Variants in MAMSTR observed in about 807,000 individuals in gnomAD.
MAMSTR encodes MEF2 activating motif and SAP domain containing transcriptional regulator.
Under a neutral mutation model 42.7 loss-of-function variants are expected in MAMSTR, and 41 were observed. That is an observed-to-expected ratio of 0.96 (90% CI 0.75 to 1.25). The LOEUF (loss-of-function observed/expected upper bound fraction) is 1.25, where lower values mean the gene tolerates loss of function less well. Among genes scored for constraint, MAMSTR ranks in the 50% most tolerant of loss-of-function variants. The pLI is 0.00. For missense variants in MAMSTR, 567 were observed against 557.6 expected (o/e 1.02, Z -0.17); for synonymous variants, 265 against 244.1 (o/e 1.09, Z -0.80).
At position 48,713,517 on chromosome 19, in the gene MAMSTR, C is replaced by T. The variant is rs1288130690; in HGVS notation, c.998G>A (p.Gly333Asp). ...PLPPIPLDFP[G>D]SFDVLSPSPD... is the part of the protein sequence containing the mutation. ...GGAGGGGGACAGCACGTCGAAGGAG[C>T]CAGGGAAGTCCAGGGGAATAGGGGG... The change falls in exon 10 of 10, where the codon GGC becomes GAC. Residue 333 changes from glycine (G) to aspartate (D), a missense_variant. Transcript: ENST00000318083. 1 of 1,612,252 alleles carries T rather than the reference C, an allele frequency of 6.2e-7. No individual in the cohort carries two copies. Among genetic ancestry groups the T allele is most frequent in the South Asian group, 1.1e-5 (1 of 90,992 alleles).
chr19:48,718,951 G>T, intron 2 of MAMSTR, 23 bp downstream of exon 2: 1 of 1,327,998 alleles, frequency 7.5e-7, no homozygotes. Context: ...CATCCCCCAC[G>T]CATAAAGAGA....
chr19:48,709,659 C>G (rs1256803675), downstream of MAMSTR, among the ~76,000 whole-genome samples: 8 of 152,132 alleles, frequency 5.3e-5, no homozygotes, highest in Non-Finnish European at 1.2e-4. Flanking sequence ...TAGCCAAATG[C>G]TAGAGATAGT....
intron 2 of MAMSTR, among the ~76,000 whole-genome samples, chr19:48,718,516 T>C (rs563439940): frequency 7.7e-4 from 117 of 151,572 alleles, no homozygotes; most frequent in African/African-American, 2.7e-3. Context: ...ACCTCCCAAG[T>C]AGCTGGGATT....
intron 5 of MAMSTR, 67 bp from the exon 6 acceptor site, chr19:48,714,975 C>A: frequency 9.5e-7 from 1 of 1,055,580 alleles, no homozygotes. Flanking sequence ...TTCTGGGGTC[C>A]TCAAAGACGG....
chr19:48,711,739 GT>G (rs34890088), downstream of MAMSTR, among the ~76,000 whole-genome samples: 48 of 76,248 alleles, frequency 6.3e-4, no homozygotes, highest in South Asian at 3.7e-3. Context: ...TACCTGGCTA[GT>G]TTTTTTTTTT....
At chr19:48,715,196 T>G in intron 5 of MAMSTR, 66 bp downstream of exon 5, 8 of 1,417,414 alleles carry the variant, frequency 5.6e-6, no homozygotes, top group Non-Finnish European at 7.8e-6. Context: ...GGACTCGAGG[T>G]TTGAGGGAGG....
intron 2 of MAMSTR, 61 bp from the exon 3 acceptor site, chr19:48,716,804 C>T: frequency 7.9e-7 from 1 of 1,266,436 alleles, no homozygotes; most frequent in Non-Finnish European, 1.0e-6. Flanking sequence ...AGGAGCCTGG[C>T]CTGGCAGGCT....
chr19:48,709,972 C>A (rs2032699697), downstream of MAMSTR, among the ~76,000 whole-genome samples: 2 of 151,922 alleles, frequency 1.3e-5, no homozygotes, highest in South Asian at 4.2e-4. Flanking sequence ...TGGGTTCAGG[C>A]CATTCTCCTG....
At chr19:48,711,741 T>TG (rs2032729568), downstream of MAMSTR, among the ~76,000 whole-genome samples, 13 of 136,230 alleles carry the variant, frequency 9.5e-5, 1 homozygote, top group Admixed American at 9.6e-4. Context: ...CCTGGCTAGT[T>TG]TTTTTTTTTT....
chr19:48,707,843 G>GA (rs1188876345), downstream of MAMSTR, among the ~76,000 whole-genome samples: 1 of 57,704 alleles, frequency 1.7e-5, no homozygotes, highest in East Asian at 2.7e-4. Context: ...AGAAAGGAAA[G>GA]AAAGAAAGAA....
At position 48,714,794 on chromosome 19, in the gene MAMSTR, C is replaced by T. The variant is rs537787571; in HGVS notation, c.528+12G>A. 1.9e-6 allele frequency: 3 copies of T among 1,587,276 alleles called. No homozygotes were observed. The highest frequency in any genetic ancestry group is 2.6e-6 in the Non-Finnish European group (3 of 1,155,080). ...GAGAGAGAAGGCCTGGAAAGTTACA[C>T]CCCAAACTCACCGTCAGCTCCTCCA... On this transcript the variant is annotated intron_variant, in intron 6 of 9. Transcript: ENST00000318083.
In MAMSTR at chr19:48,713,937, G is replaced by T; in HGVS notation, c.832C>A (p.Leu278Met). 3.1e-6 allele frequency: 5 copies of T among 1,613,536 alleles called. No homozygotes were observed. The highest frequency in any genetic ancestry group is 4.2e-6 in the Non-Finnish European group (5 of 1,179,764). Residue 278 changes from leucine to methionine, a missense_variant, in exon 8 of 10, where the codon CTG becomes ATG. Leu to Met is a conservative substitution (Grantham distance 15, BLOSUM62 2). Coordinates refer to ENST00000318083, the MANE Select transcript of MAMSTR (RefSeq NM_001130915.2). ...GAGCCCGGCCCTGAGGAAGGGGTCA[G>T]GGCTGGAGCTGCAGCAGGAGCCGGA... ...PTPAPAAAPA[L>M]TPSSGPGSAA...
rs1483889365 is a variant in MAMSTR at position 48,714,428 on chromosome 19, C to T, written c.661G>A (p.Ala221Thr). The change falls in exon 7 of 10, where the codon GCG (alanine) becomes ACG (threonine). Residue 221 changes from alanine to threonine, a missense_variant. By Grantham distance (58) the Ala-to-Thr change is moderately conservative. Coordinates refer to ENST00000318083, the MANE Select transcript of MAMSTR (RefSeq NM_001130915.2). Reference sequence around the variant, plus strand: ...TTGAGGCGCGGCCAGGGAGCACCCGCGGGACTGTCCTCGCGCCGCGGCTTC... The same window carrying T: ...TTGAGGCGCGGCCAGGGAGCACCCGTGGGACTGTCCTCGCGCCGCGGCTTC... Reference protein sequence around the residue: ...RPKPRREDSPAGAPWPRLKPK... With the variant: ...RPKPRREDSPTGAPWPRLKPK... 2 of 1,383,124 alleles carry T rather than the reference C, an allele frequency of 1.4e-6. No individual in the cohort carries two copies. The highest frequency in any genetic ancestry group is 1.9e-6 in the Non-Finnish European group (2 of 1,080,010). The allele number at this position is 1,383,124 out of a possible 1,614,324, so 85.7% of individuals were successfully genotyped here.
chr19:48,711,032 T>C (rs1601242574), downstream of MAMSTR, among the ~76,000 whole-genome samples: 1 of 152,144 alleles, frequency 6.6e-6, no homozygotes, highest in African/African-American at 2.4e-5. Flanking sequence ...CTAGGGGTGG[T>C]ATAGTGGCAA....
rs916715327 is a variant in MAMSTR, at chr19:48,714,520, G to A, written c.569C>T (p.Pro190Leu). The A allele has an allele frequency of 4.8e-6, 7 of 1,455,372 alleles. No individual in the cohort carries two copies. Among genetic ancestry groups the A allele is most frequent in the Non-Finnish European group, 6.3e-6 (7 of 1,116,526 alleles). The allele number at this position is 1,455,372 out of a possible 1,614,324, so 90.2% of individuals were successfully genotyped here. A position where few individuals can be genotyped will look rare whatever the true frequency, so the allele number is the denominator to read the frequency against. Residue 190 changes from proline to leucine, a missense_variant, in exon 7 of 10, where the codon CCA (proline) becomes CTA (leucine). Coordinates refer to ENST00000318083, the MANE Select transcript of MAMSTR (RefSeq NM_001130915.2). The part of the protein sequence containing the change: ...LRQQLRLRGL[P>L]VSGTKSMLLE... ...GAGCATAGACTTGGTCCCCGACACT[G>A]GGAGGCCCCGCAGGCGCAGCTGCTG... is the stretch of plus-strand genomic sequence containing the variant.
At position 48,719,073 on chromosome 19, in the gene MAMSTR, G is replaced by C. The variant is rs936165394; in HGVS notation, c.-21-21C>G. 1.9e-6 allele frequency: 3 copies of C among 1,539,600 alleles called. No homozygotes were observed. Among genetic ancestry groups the C allele is most frequent in the Non-Finnish European group, 2.6e-6 (3 of 1,137,812 alleles). ...GGGACCTGGACGGAGAGGGGGCAGG[G>C]CAGGGGCCCCATAGAGGGCTGGCTC... is the stretch of plus-strand genomic sequence containing the variant. On this transcript the variant is annotated intron_variant, in intron 1 of 9. Transcript: ENST00000318083. This position sits in a 1 kb window ranked among gnomAD's most constrained non-coding sequence, Gnocchi z 4.4.
Position 48,713,469 on chromosome 19 carries a change from G to A in MAMSTR, c.1046C>T (p.Ser349Phe). 2 of 1,612,814 alleles carry A rather than the reference G, an allele frequency of 1.2e-6. No homozygotes were observed. ...SPSPDSEGLS[S>F]VFSSSLPSPT... ...AGACGGGAGTGAAGAGGAGAAAACA[G>A]ATGAGAGGCCTTCAGAGTCCGGGGA... Residue 349 changes from serine to phenylalanine, a missense_variant, in exon 10 of 10, where the codon TCT (serine) becomes TTT (phenylalanine). Coordinates refer to ENST00000318083, the MANE Select transcript of MAMSTR (RefSeq NM_001130915.2).
downstream of MAMSTR, chr19:48,712,595 TTTG>T: frequency 6.6e-6 from 1 of 152,002 alleles, no homozygotes; most frequent in Non-Finnish European, 1.5e-5. Context: ...CTAATTTTTT[TTTG>T]TGTGTGTGTG....
chr19:48,706,286 C>CAAAAA, the MAMSTR span, among the ~76,000 whole-genome samples: 1 of 130,042 alleles, frequency 7.7e-6, no homozygotes, highest in Non-Finnish European at 1.6e-5. Flanking sequence ...GACTCCATCT[C>CAAAAA]AAAAAAAAAA....
Sources: gnomAD v4.1 joint callset for allele counts (sites outside exome capture counted in the v4.1 genomes callset) on GRCh38, gnomAD v4.1.1 for gene constraint, Gnocchi (gnomAD v3.1) non-coding constraint, MANE v1.5 for transcripts, NCBI Gene and HGNC (gene_info 2026-07-23, HGNC 2026-07-21) for gene names.